Variants in ATF7IP observed in about 807,000 individuals in gnomAD.
ATF7IP encodes the protein activating transcription factor 7-interacting protein 1.
ATF7IP carries 23 observed loss-of-function variants against 106.4 expected under a neutral mutation model. The ratio of observed to expected loss-of-function variants is 0.22; its 90% confidence interval spans 0.16 to 0.31. ATF7IP has a LOEUF of 0.31. ATF7IP is among the 10% of genes least tolerant of loss of function. The probability of loss-of-function intolerance (pLI) is 1.00; values close to 1 mark genes in which losing one functional copy is unlikely to be tolerated. For missense variants in ATF7IP, 1,334 were observed against 1,524.3 expected (o/e 0.88, Z 2.08); for synonymous variants, 542 against 539.0 (o/e 1.01, Z -0.08).
intron 5 of ATF7IP, 101 bp from the exon 6 acceptor site, chr12:14,446,887 C>A: frequency 2.6e-6 from 2 of 768,932 alleles, no homozygotes; most frequent in South Asian, 2.6e-5. Flanking sequence ...TCTGAGGATC[C>A]TGTTTTCTAT....
chr12:14,475,794 C>T, intron 10 of ATF7IP, 96 bp from the exon 11 acceptor site: 1 of 864,744 alleles, frequency 1.2e-6, no homozygotes, highest in South Asian at 1.8e-5. Flanking sequence ...AACCAGGTTA[C>T]TCATTAGTCT....
At chr12:14,489,403 C>T (rs1398332717) in intron 13 of ATF7IP, among the ~76,000 whole-genome samples, 1 of 152,132 alleles carries the variant, frequency 6.6e-6, no homozygotes, top group Non-Finnish European at 1.5e-5. Flanking sequence ...CATTTTGTCT[C>T]CTGGTGTGAG....
At chr12:14,448,706 T>C (rs940813632) in intron 6 of ATF7IP, among the ~76,000 whole-genome samples, 2 of 152,156 alleles carry the variant, frequency 1.3e-5, no homozygotes, top group African/African-American at 4.8e-5. Context: ...GGTAATACTT[T>C]TAGATATTTG....
At chr12:14,394,252 A>G (rs978937230) in intron 1 of ATF7IP, among the ~76,000 whole-genome samples, 1 of 152,190 alleles carries the variant, frequency 6.6e-6, no homozygotes, top group African/African-American at 2.4e-5. Context: ...GTGAATTATA[A>G]TTTGTATTTT....
At chr12:14,466,025 G>A (rs1229676275) in intron 9 of ATF7IP, 1 of 152,270 alleles carries the variant, frequency 6.6e-6, no homozygotes, top group Non-Finnish European at 1.5e-5. Context: ...TTTTTTAACT[G>A]CGAACTCATT....
At chr12:14,485,645 G>T (rs1299503097) in intron 13 of ATF7IP, among the ~76,000 whole-genome samples, 4 of 152,164 alleles carry the variant, frequency 2.6e-5, no homozygotes, top group African/African-American at 9.7e-5. Flanking sequence ...AGACAGTAAA[G>T]GTATATTGCT....
intron 1 of ATF7IP, among the ~76,000 whole-genome samples, chr12:14,370,474 G>A (rs7136773): frequency 0.56 from 85,391 of 151,906 alleles, 24,377 homozygotes; most frequent in African/African-American, 0.66. Context: ...TTTCATAGCT[G>A]ATTTTGACTG....
intron 1 of ATF7IP, chr12:14,369,206 G>C (rs1468651233): frequency 6.6e-6 from 1 of 151,122 alleles, no homozygotes; most frequent in Non-Finnish European, 1.5e-5. Context: ...TCCCACTTCA[G>C]CCTCCCAAAG....
rs768787934 is a variant in ATF7IP at position 14,496,331 on chromosome 12, A to G, written c.3381A>G (p.Pro1127=). The G allele has an allele frequency of 1.9e-5, 31 of 1,611,924 alleles. No individual in the cohort carries two copies. Among genetic ancestry groups the G allele is most frequent in the Non-Finnish European group, 2.5e-5 (29 of 1,178,210 alleles). Residue 1127 remains proline (P), a synonymous_variant, in exon 14 of 15, where the codon CCA becomes CCG. Coordinates refer to ENST00000261168, the MANE Select transcript of ATF7IP (RefSeq NM_018179.5). ...AGCTCACAGTGCATCACCGACCACC[A>G]CAAGTGCATACTGTAAGTGTTGATG... ...GPQLTVHHRP[P]QVHTEPPRPV...
rs374378990 is a variant in ATF7IP at position 14,479,881 on chromosome 12, ATCTG to A, written c.3098-1118_3098-1115del. On this transcript the variant is annotated intron_variant, in intron 12 of 14. Transcript: ENST00000261168. The stretch of plus-strand genomic sequence containing the variant: ...TAAGTTCAACCTTGGGAGCTGTATT[ATCTG>A]TCTTTCTTTACATTTATACAAAGTT... Among the ~76,000 whole-genome samples the A allele has an allele frequency of 2.3e-3, 349 of 152,298 alleles. 1 individual carries two copies. The highest frequency in any genetic ancestry group is 8.0e-3 in the African/African-American group (333 of 41,590).
At chr12:14,372,791 C>T (rs555019228) in intron 1 of ATF7IP, among the ~76,000 whole-genome samples, 5 of 152,018 alleles carry the variant, frequency 3.3e-5, no homozygotes, top group Non-Finnish European at 4.4e-5. Flanking sequence ...TTGTATAGCC[C>T]TATGCTACTT....
chr12:14,444,780 CAAATGT>C (rs1275439995), intron 5 of ATF7IP, among the ~76,000 whole-genome samples: 1 of 152,042 alleles, frequency 6.6e-6, no homozygotes, highest in African/African-American at 2.4e-5. Flanking sequence ...TTGAATACCA[CAAATGT>C]ATGTGATGTG....
intron 7 of ATF7IP, 87 bp from the exon 8 acceptor site, chr12:14,457,120 C>A: frequency 8.7e-7 from 1 of 1,148,340 alleles, no homozygotes; most frequent in South Asian, 1.4e-5. Flanking sequence ...CCTTTTTCCC[C>A]TGTGGGCCAC....
intron 1 of ATF7IP, among the ~76,000 whole-genome samples, chr12:14,417,392 C>T (rs944615872): frequency 6.6e-6 from 1 of 152,028 alleles, no homozygotes; most frequent in African/African-American, 2.4e-5. Context: ...CCTAGTAATC[C>T]TTTGGGTCCA....
At chr12:14,413,635 C>A (rs891303393) in intron 1 of ATF7IP, among the ~76,000 whole-genome samples, 5 of 152,094 alleles carry the variant, frequency 3.3e-5, no homozygotes, top group Non-Finnish European at 7.4e-5. Flanking sequence ...TAATTCACAT[C>A]ATATGTAAAG....
chr12:14,405,026 C>A (rs1022008417), intron 1 of ATF7IP, among the ~76,000 whole-genome samples: 2 of 152,066 alleles, frequency 1.3e-5, no homozygotes, highest in Non-Finnish European at 2.9e-5. Context: ...TCCTATGAAA[C>A]TAAGTCGATT....
chr12:14,400,428 TAAGGA>T (rs1163312687), intron 1 of ATF7IP, among the ~76,000 whole-genome samples: 1 of 150,688 alleles, frequency 6.6e-6, no homozygotes, highest in African/African-American at 2.4e-5. Context: ...TTTACTGAGG[TAAGGA>T]GAAGATATAT....
intron 1 of ATF7IP, among the ~76,000 whole-genome samples, chr12:14,366,398 C>A (rs1022943403): frequency 1.3e-5 from 2 of 152,176 alleles, no homozygotes; most frequent in Non-Finnish European, 2.9e-5. Context: ...TTTGCAAATA[C>A]ATTTTTAACC....
chr12:14,448,060 AT>A (rs112911012), intron 6 of ATF7IP, among the ~76,000 whole-genome samples: 69,405 of 151,340 alleles, frequency 0.46, 16,022 homozygotes, highest in Admixed American at 0.53. Flanking sequence ...TTCCTCCTGA[AT>A]TTTTTTTGTT....
Sources: allele counts gnomAD v4.1 joint callset (sites outside exome capture counted in the v4.1 genomes callset), GRCh38; gene constraint gnomAD v4.1.1; transcripts MANE v1.5; gene names NCBI Gene and HGNC (gene_info 2026-07-23, HGNC 2026-07-21).